The following CDH12 variants were observed in gnomAD, a reference collection of about 807,000 sequenced individuals.
The protein encoded by CDH12 is cadherin-12.
A neutral mutation model predicts 74.1 loss-of-function variants in CDH12; 41 were observed. The observed-to-expected ratio is 0.55, with a 90% confidence interval of 0.43 to 0.72. The LOEUF (loss-of-function observed/expected upper bound fraction) is 0.72, where lower values mean the gene tolerates loss of function less well. Among genes scored for constraint, CDH12 ranks in the 30% least tolerant of loss-of-function variants. The pLI is 0.00. For missense variants in CDH12, 945 were observed against 977.2 expected, an observed-to-expected ratio of 0.97 and a Z score of 0.44; for synonymous variants, 399 against 355.0, an observed-to-expected ratio of 1.12 and a Z score of -1.39.
rs199887288 is a variant in CDH12, at chr5:22,202,355, TA to T, written c.-187+10142del. On this transcript the variant is annotated intron_variant, in intron 4 of 14. Coordinates refer to ENST00000382254, the MANE Select transcript of CDH12 (RefSeq NM_004061.5). ...GACACAGTAAATTTGAGATGAACAA[TA>T]AGGAGAAAGAGATAGGGTGGGTGAT... 9.2e-3 allele frequency among the ~76,000 whole-genome samples: 1,394 copies of T among 152,148 alleles called. 23 individuals are homozygous for T. The highest frequency in any genetic ancestry group is 0.032 in the African/African-American group (1,312 of 41,484).
At chr5:22,144,129 C>CAGT (rs1268020435) in intron 4 of CDH12, 1 of 152,146 alleles carries the variant, frequency 6.6e-6, no homozygotes, top group Non-Finnish European at 1.5e-5. Context: ...CTCTGAAAGT[C>CAGT]AGTCCTTTTA....
intron 1 of CDH12, among the ~76,000 whole-genome samples, chr5:22,831,760 C>T (rs74698575): frequency 0.016 from 2,457 of 151,736 alleles, 42 homozygotes; most frequent in South Asian, 0.072. Context: ...TAGCTGGGCG[C>T]GGTGGCGAGC....
At chr5:22,485,467 A>T (rs978278027) in intron 2 of CDH12, among the ~76,000 whole-genome samples, 5 of 152,244 alleles carry the variant, frequency 3.3e-5, no homozygotes, top group African/African-American at 1.2e-4. Flanking sequence ...CAGGGATTAT[A>T]GGAATGGACA....
chr5:22,007,660 G>A (rs1423861537), intron 5 of CDH12, among the ~76,000 whole-genome samples: 4 of 152,144 alleles, frequency 2.6e-5, no homozygotes, highest in African/African-American at 9.7e-5. Flanking sequence ...GTTGAGAAAT[G>A]TAAATAAATG....
At chr5:21,888,552 G>C (rs1752749203) in intron 6 of CDH12, among the ~76,000 whole-genome samples, 1 of 151,730 alleles carries the variant, frequency 6.6e-6, no homozygotes. Flanking sequence ...TAACAAACCT[G>C]CATGTTGTGT....
At chr5:22,266,975 C>T (rs1197775844) in intron 3 of CDH12, among the ~76,000 whole-genome samples, 3 of 152,074 alleles carry the variant, frequency 2.0e-5, no homozygotes, top group African/African-American at 7.2e-5. Flanking sequence ...CCTGCATTTT[C>T]CTTTCTAAGC....
At chr5:22,350,890 T>A (rs1387907591) in intron 3 of CDH12, among the ~76,000 whole-genome samples, 1 of 152,202 alleles carries the variant, frequency 6.6e-6, no homozygotes, top group Non-Finnish European at 1.5e-5. Context: ...GGATTTCACA[T>A]CTAGCAGAGG....
chr5:22,024,151 T>C (rs934550998), intron 5 of CDH12, among the ~76,000 whole-genome samples: 2 of 152,168 alleles, frequency 1.3e-5, no homozygotes, highest in Non-Finnish European at 2.9e-5. Flanking sequence ...AAAATGTATG[T>C]TACTATCTTT....
chr5:22,691,835 T>A (rs1467730657), intron 1 of CDH12, among the ~76,000 whole-genome samples: 1 of 152,014 alleles, frequency 6.6e-6, no homozygotes, highest in Non-Finnish European at 1.5e-5. Context: ...TCATTAAATA[T>A]TAGTAAAAAT....
chr5:22,484,441 A>T (rs142301432), intron 2 of CDH12, among the ~76,000 whole-genome samples: 1 of 152,288 alleles, frequency 6.6e-6, no homozygotes, highest in Non-Finnish European at 1.5e-5. Flanking sequence ...TACTTCTTTA[A>T]TCATGTTGCA....
intron 1 of CDH12, among the ~76,000 whole-genome samples, chr5:22,734,365 A>T (rs1050378664): frequency 6.6e-6 from 1 of 151,936 alleles, no homozygotes; most frequent in Non-Finnish European, 1.5e-5. Context: ...AATGCAAAAA[A>T]GTTACAAAAA....
intron 4 of CDH12, among the ~76,000 whole-genome samples, chr5:22,079,942 C>T (rs1028136392): frequency 1.3e-5 from 2 of 149,920 alleles, no homozygotes; most frequent in Non-Finnish European, 1.5e-5. Flanking sequence ...GTAAAACCTA[C>T]GTTAGCAAAA....
intron 3 of CDH12, among the ~76,000 whole-genome samples, chr5:22,355,660 C>T (rs1445915654): frequency 6.6e-5 from 10 of 151,964 alleles, no homozygotes; most frequent in Non-Finnish European, 1.5e-4. Context: ...GGAAGAGTGA[C>T]CTGCTCTCGG....
intron 1 of CDH12, among the ~76,000 whole-genome samples, chr5:22,685,715 T>C (rs894460223): frequency 2.0e-5 from 3 of 152,250 alleles, no homozygotes; most frequent in Non-Finnish European, 2.9e-5. Context: ...ATCAATGTCG[T>C]AACATGCATC....
intron 2 of CDH12, among the ~76,000 whole-genome samples, chr5:22,436,061 A>G (rs1580647637): frequency 6.6e-6 from 1 of 151,864 alleles, no homozygotes; most frequent in Non-Finnish European, 1.5e-5. Context: ...AATGTGGCAC[A>G]TAAACACCAT....
At chr5:22,027,404 T>G (rs1738441024) in intron 5 of CDH12, among the ~76,000 whole-genome samples, 1 of 152,180 alleles carries the variant, frequency 6.6e-6, no homozygotes, top group South Asian at 2.1e-4. Flanking sequence ...AGTTCCTCCT[T>G]GTACCTCTGG....
At chr5:22,145,422 C>A (rs1747097779) in intron 4 of CDH12, among the ~76,000 whole-genome samples, 1 of 152,094 alleles carries the variant, frequency 6.6e-6, no homozygotes, top group African/African-American at 2.4e-5. Flanking sequence ...TGAAATATCA[C>A]AAAAGTGATG....
intron 1 of CDH12, among the ~76,000 whole-genome samples, chr5:22,604,697 C>T (rs1737010809): frequency 6.6e-6 from 1 of 152,184 alleles, no homozygotes; most frequent in Non-Finnish European, 1.5e-5. Flanking sequence ...GGGTCTGCTG[C>T]CTTGGCCTGT....
intron 3 of CDH12, among the ~76,000 whole-genome samples, chr5:22,342,912 G>A (rs574639793): frequency 2.0e-5 from 3 of 151,806 alleles, no homozygotes; most frequent in South Asian, 4.2e-4. Flanking sequence ...GCAGTGGCAG[G>A]ATCTTAGCTT....
Sources: allele counts gnomAD v4.1 joint callset (sites outside exome capture counted in the v4.1 genomes callset), GRCh38; gene constraint gnomAD v4.1.1; transcripts MANE v1.5; gene names NCBI Gene and HGNC (gene_info 2026-07-23, HGNC 2026-07-21).